Variants in TRDN observed in about 807,000 individuals in gnomAD.
TRDN encodes triadin in skeletal muscle.
TRDN carries 161 observed loss-of-function variants against 149.7 expected under a neutral mutation model. The observed-to-expected ratio is 1.08, with a 90% CI of 0.95 to 1.23. TRDN has a LOEUF of 1.23. Ranked by LOEUF, TRDN falls within the 50% of genes most tolerant of loss-of-function variation. The probability of loss-of-function intolerance (pLI) is 0.00; values close to 1 mark genes in which losing one functional copy is unlikely to be tolerated. For missense variants in TRDN, 896 were observed against 823.5 expected (o/e 1.09, Z -1.08); for synonymous variants, 294 against 250.5 (o/e 1.17, Z -1.64).
intron 1 of TRDN, among the ~76,000 whole-genome samples, chr6:123,632,021 A>G (rs62419217): frequency 0.016 from 2,498 of 152,200 alleles, 41 homozygotes; most frequent in South Asian, 0.041. Context: ...AGAGTATATT[A>G]AATTTTCACT....
At chr6:123,579,883 TCTC>T (rs144187990) in intron 1 of TRDN, among the ~76,000 whole-genome samples, 1,931 of 152,298 alleles carry the variant, frequency 0.013, 40 homozygotes, top group African/African-American at 0.043. Flanking sequence ...ACTCAGCACT[TCTC>T]CTTCTTGCTA....
intron 19 of TRDN, among the ~76,000 whole-genome samples, chr6:123,366,922 A>G (rs370055116): frequency 6.6e-6 from 1 of 152,220 alleles, no homozygotes; most frequent in African/African-American, 2.4e-5. Context: ...AAGTTGTTTA[A>G]TACTGATTGC....
intron 1 of TRDN, among the ~76,000 whole-genome samples, chr6:123,616,752 T>G (rs1785108243): frequency 6.6e-6 from 1 of 152,194 alleles, no homozygotes; most frequent in African/African-American, 2.4e-5. Flanking sequence ...AACTTTATGC[T>G]TATTCCAAAT....
intron 38 of TRDN, among the ~76,000 whole-genome samples, chr6:123,231,982 T>C (rs192411944): frequency 1.3e-5 from 2 of 152,130 alleles, no homozygotes; most frequent in East Asian, 1.9e-4. Flanking sequence ...TGTAAACTTG[T>C]GCAGACAAAG....
intron 12 of TRDN, among the ~76,000 whole-genome samples, chr6:123,428,289 A>T (rs773312847): frequency 6.6e-6 from 1 of 152,146 alleles, no homozygotes. Context: ...GCCTATGAAG[A>T]CTGATACTGC....
chr6:123,439,447 A>C (rs1169837953), intron 10 of TRDN, among the ~76,000 whole-genome samples: 1 of 152,216 alleles, frequency 6.6e-6, no homozygotes, highest in East Asian at 1.9e-4. Context: ...TAGACCATTA[A>C]AAAGGTATCT....
chr6:123,521,122 A>G (rs1167461267), intron 5 of TRDN, among the ~76,000 whole-genome samples: 2 of 152,160 alleles, frequency 1.3e-5, no homozygotes, highest in Middle Eastern at 3.2e-3. Context: ...AAACTGAAGG[A>G]GTTCTAGACA....
At chr6:123,562,796 T>C (rs1782072394) in intron 2 of TRDN, among the ~76,000 whole-genome samples, 1 of 152,258 alleles carries the variant, frequency 6.6e-6, no homozygotes, top group African/African-American at 2.4e-5. Flanking sequence ...ATTTAGATGC[T>C]TTTAAACCAA....
intron 12 of TRDN, among the ~76,000 whole-genome samples, chr6:123,434,796 T>C (rs9490750): frequency 6.6e-6 from 1 of 151,946 alleles, no homozygotes; most frequent in Non-Finnish European, 1.5e-5. Context: ...ATGTTTTTAA[T>C]TGGCAGGTAT....
At chr6:123,512,093 G>A (rs1285891358) in intron 7 of TRDN, among the ~76,000 whole-genome samples, 1 of 151,210 alleles carries the variant, frequency 6.6e-6, no homozygotes, top group Non-Finnish European at 1.5e-5. Flanking sequence ...ACATATGATG[G>A]AGCTCTTCAT....
intron 10 of TRDN, among the ~76,000 whole-genome samples, chr6:123,443,395 G>GAA (rs936199462): frequency 3.3e-5 from 5 of 151,972 alleles, no homozygotes; most frequent in Non-Finnish European, 5.9e-5. Context: ...AAAGATTATT[G>GAA]AAAAAAGTGG....
At chr6:123,335,699 G>GC (rs1291323996) in intron 22 of TRDN, among the ~76,000 whole-genome samples, 1 of 151,842 alleles carries the variant, frequency 6.6e-6, no homozygotes, top group Admixed American at 6.6e-5. Flanking sequence ...TTGGAGTTAA[G>GC]CCCCAACCTT....
chr6:123,303,733 G>C (rs1279083855), intron 24 of TRDN, among the ~76,000 whole-genome samples: 1 of 152,100 alleles, frequency 6.6e-6, no homozygotes, highest in African/African-American at 2.4e-5. Flanking sequence ...AGAAACTATG[G>C]AAATAAATAT....
At chr6:123,244,235 A>G (rs1218592820) in intron 38 of TRDN, among the ~76,000 whole-genome samples, 1 of 152,172 alleles carries the variant, frequency 6.6e-6, no homozygotes, top group Non-Finnish European at 1.5e-5. Flanking sequence ...AAAACTGGAC[A>G]GAAAAGGAGT....
At chr6:123,375,493 C>G (rs745985289) in intron 19 of TRDN, 112 bp downstream of exon 19, 16 of 847,858 alleles carry the variant, frequency 1.9e-5, no homozygotes, top group Middle Eastern at 2.4e-4. Flanking sequence ...ATAATCATAC[C>G]AAAAAGCTGG....
At chr6:123,614,900 T>C (rs1227824891) in intron 1 of TRDN, among the ~76,000 whole-genome samples, 1 of 152,032 alleles carries the variant, frequency 6.6e-6, no homozygotes, top group Non-Finnish European at 1.5e-5. Flanking sequence ...AACTATTTGT[T>C]TTATAAGATA....
chr6:123,365,227 C>T (rs1781046627), intron 20 of TRDN, among the ~76,000 whole-genome samples: 1 of 152,028 alleles, frequency 6.6e-6, no homozygotes, highest in Non-Finnish European at 1.5e-5. Context: ...AAATACAGTT[C>T]ATATTTTTCT....
intron 9 of TRDN, among the ~76,000 whole-genome samples, chr6:123,467,686 C>T (rs1457123625): frequency 6.6e-6 from 1 of 152,164 alleles, no homozygotes; most frequent in Non-Finnish European, 1.5e-5. Flanking sequence ...GAACATGACA[C>T]ACGACTTTGG....
intron 38 of TRDN, among the ~76,000 whole-genome samples, chr6:123,231,634 T>A (rs912227047): frequency 1.3e-5 from 2 of 152,006 alleles, no homozygotes; most frequent in African/African-American, 2.4e-5. Flanking sequence ...AAATTTACAA[T>A]GAAGAAATAG....
Sources: gnomAD v4.1 joint callset for allele counts (sites outside exome capture counted in the v4.1 genomes callset) on GRCh38, gnomAD v4.1.1 for gene constraint, MANE v1.5 for transcripts, NCBI Gene and HGNC (gene_info 2026-07-23, HGNC 2026-07-21) for gene names.